Variants in VEZF1 observed in about 807,000 individuals in gnomAD.
VEZF1 encodes the protein putative transcription factor DB1.
VEZF1 carries 5 observed loss-of-function variants against 44.1 expected under a neutral mutation model. The ratio of observed to expected loss-of-function variants is 0.11; its 90% CI spans 0.06 to 0.24. VEZF1 has a LOEUF of 0.24. Among genes scored for constraint, VEZF1 ranks in the 10% least tolerant of loss-of-function variants. The pLI is 1.00. For synonymous variants in VEZF1, 236 were observed against 233.1 expected, an observed-to-expected ratio of 1.01 and a Z score of -0.11; for missense variants, 358 against 641.8, an observed-to-expected ratio of 0.56 and a Z score of 4.78.
intron 1 of VEZF1, chr17:57,985,348 G>A: frequency 8.1e-7 from 1 of 1,230,848 alleles, no homozygotes; most frequent in South Asian, 4.1e-5. Flanking sequence ...CCAGGTCCCT[G>A]CTTCTTGGGT....
Position 57,972,631 on chromosome 17 carries a change from G to A in VEZF1, c.*1842C>T, listed in dbSNP as rs2075148389. 1 of 152,570 alleles carries A rather than the reference G, an allele frequency of 6.6e-6. No individual in the cohort carries two copies. 9.5% of individuals were successfully genotyped at this position (152,570 alleles called of 1,614,324 possible). On this transcript the variant is annotated 3_prime_UTR_variant, in exon 6 of 6. Coordinates refer to ENST00000581208, the MANE Select transcript of VEZF1 (RefSeq NM_007146.3). ...ATTAAAAGGCACAAACATAGGGCAT[G>A]TTTACATGGACATTATAACAAACAT...
chr17:57,980,783 A>G lies in VEZF1; in HGVS notation c.796T>C (p.Cys266Arg). Residue 266 changes from cysteine to arginine, a missense_variant, in exon 4 of 6, where the codon TGC (cysteine) becomes CGC (arginine). Cys to Arg is a radical substitution (Grantham distance 180). Coordinates refer to ENST00000581208, the MANE Select transcript of VEZF1 (RefSeq NM_007146.3). The part of the protein sequence containing the change: ...STERPFKCQT[C>R]TAAFATKDRL... ...TCTTTGGTGGCAAAGGCAGCAGTGCACGTCTGCATGAGGGAGGAAAACTTT... is the reference window on the plus strand; with the variant it reads ...TCTTTGGTGGCAAAGGCAGCAGTGCGCGTCTGCATGAGGGAGGAAAACTTT... The G allele has an allele frequency of 6.2e-7, 1 of 1,614,222 alleles. No homozygotes were observed. The highest frequency in any genetic ancestry group is 8.5e-7 in the Non-Finnish European group (1 of 1,180,036).
chr17:57,979,976 A>AC (rs2075232556), intron 4 of VEZF1, among the ~76,000 whole-genome samples: 1 of 151,118 alleles, frequency 6.6e-6, no homozygotes, highest in Admixed American at 6.6e-5. Flanking sequence ...GTCTCAAAAA[A>AC]AAAAAAAAAA....
intron 5 of VEZF1, among the ~76,000 whole-genome samples, chr17:57,976,415 C>CA (rs202031229): frequency 1.1e-4 from 16 of 150,806 alleles, no homozygotes; most frequent in African/African-American, 2.7e-4. Context: ...AACAAACAAA[C>CA]AAACAAAAAA....
intron 5 of VEZF1, among the ~76,000 whole-genome samples, chr17:57,978,298 G>C (rs552380488): frequency 2.6e-5 from 4 of 152,106 alleles, no homozygotes; most frequent in African/African-American, 9.6e-5. Context: ...CACAGAAAAG[G>C]AATTACATAC....
chr17:57,972,312 G>C lies in VEZF1; in HGVS notation c.*2161C>G, dbSNP rs553784450. On this transcript the variant is annotated 3_prime_UTR_variant, in exon 6 of 6. Coordinates refer to ENST00000581208, the MANE Select transcript of VEZF1 (RefSeq NM_007146.3). ...AGGAAGCCTGGGCTGTCTGAATTGT[G>C]AATTATGACTGCCAGCCCACCAGAG... is the stretch of plus-strand genomic sequence containing the variant. 1 of 152,284 alleles carries C rather than the reference G, an allele frequency of 6.6e-6. No homozygotes were observed. Among genetic ancestry groups the C allele is most frequent in the African/African-American group, 2.4e-5 (1 of 41,510 alleles). 9.4% of individuals were successfully genotyped at this position (152,284 alleles called of 1,614,324 possible). A position where few individuals can be genotyped will look rare whatever the true frequency, so the allele number is the denominator to read the frequency against.
chr17:57,987,675 T>G (rs898067397), intron 1 of VEZF1, among the ~76,000 whole-genome samples: 110 of 151,940 alleles, frequency 7.2e-4, no homozygotes, highest in Non-Finnish European at 1.2e-3. Flanking sequence ...CACCCCACCG[T>G]GGGGGACCGG....
At chr17:57,982,573 A>G (rs2075259693) in intron 2 of VEZF1, 126 bp downstream of exon 2, 4 of 897,012 alleles carry the variant, frequency 4.5e-6, no homozygotes, top group South Asian at 3.6e-5. Flanking sequence ...TCTATCACCA[A>G]TCTCCTCTAA....
At chr17:57,987,433 C>G (rs1396286901) in intron 1 of VEZF1, among the ~76,000 whole-genome samples, 2 of 152,110 alleles carry the variant, frequency 1.3e-5, no homozygotes, top group Non-Finnish European at 2.9e-5. Flanking sequence ...GGAGGGGATA[C>G]ACACTCACAA....
At chr17:57,976,192 G>T (rs1418923868) in intron 5 of VEZF1, among the ~76,000 whole-genome samples, 1 of 152,148 alleles carries the variant, frequency 6.6e-6, no homozygotes. Context: ...TAGGCTAGCT[G>T]TGACTTGGCT....
intron 5 of VEZF1, among the ~76,000 whole-genome samples, chr17:57,975,767 G>A (rs1319514091): frequency 1.3e-5 from 2 of 152,158 alleles, no homozygotes; most frequent in Non-Finnish European, 2.9e-5. Context: ...CAGTGAGTTA[G>A]AGGACCCTGG....
At chr17:57,977,314 A>G (rs1332559617) in intron 5 of VEZF1, among the ~76,000 whole-genome samples, 3 of 151,834 alleles carry the variant, frequency 2.0e-5, no homozygotes, top group Non-Finnish European at 4.4e-5. Flanking sequence ...TTTTGTAGAG[A>G]TGGGGTCTTG....
chr17:57,985,713 G>A (rs1003309230), intron 1 of VEZF1, among the ~76,000 whole-genome samples: 2 of 152,178 alleles, frequency 1.3e-5, no homozygotes, highest in African/African-American at 4.8e-5. Flanking sequence ...ATGGCACCAT[G>A]AAATCTCCAG....
chr17:57,974,306 C>T lies in VEZF1; in HGVS notation c.*167G>A. ...TCCAGTGATAAGTTACATACACACC[C>T]TACTTTGAATAATCCCAGCCAAATT... On this transcript the variant is annotated 3_prime_UTR_variant, in exon 6 of 6. Transcript: ENST00000581208. 1 of 780,772 alleles carries T rather than the reference C, an allele frequency of 1.3e-6. No homozygotes were observed. The highest frequency in any genetic ancestry group is 2.0e-6 in the Non-Finnish European group (1 of 500,212). The allele number at this position is 780,772 out of a possible 1,614,324, so 48.4% of individuals were successfully genotyped here. A position where few individuals can be genotyped will look rare whatever the true frequency, so the allele number is the denominator to read the frequency against.
At chr17:57,981,763 C>A in intron 3 of VEZF1, 110 bp downstream of exon 3, 1 of 938,382 alleles carries the variant, frequency 1.1e-6, no homozygotes, top group South Asian at 1.7e-5. Flanking sequence ...CACATTTACT[C>A]AGGTCAGTGA....
chr17:57,982,773 A>C lies in VEZF1; in HGVS notation c.654T>G (p.Thr218=). ...CTCCTTCATGAGACCTCACATGGTAAGTCATCCGGTCCTTCCTCTTGAAGC... is the reference window on the plus strand; with the variant it reads ...CTCCTTCATGAGACCTCACATGGTACGTCATCCGGTCCTTCCTCTTGAAGC... ...NQRFKRKDRM[T]YHVRSHEGGI... is the part of the protein sequence containing the mutation. The change falls in exon 2 of 6, where the codon ACT becomes ACG. Residue 218 remains threonine (T), a synonymous_variant. Transcript: ENST00000581208. 56 of 1,614,230 alleles carry C rather than the reference A, an allele frequency of 3.5e-5. No homozygotes were observed. The highest frequency in any genetic ancestry group is 4.7e-5 in the Non-Finnish European group (56 of 1,180,038).
At chr17:57,975,165 T>A (rs559759701) in intron 5 of VEZF1, among the ~76,000 whole-genome samples, 11 of 152,308 alleles carry the variant, frequency 7.2e-5, no homozygotes, top group Admixed American at 5.9e-4. Flanking sequence ...GGTTTCAAGT[T>A]CAGATTTACT....
intron 5 of VEZF1, 79 bp downstream of exon 5, chr17:57,979,073 T>C: frequency 6.5e-7 from 1 of 1,526,816 alleles, no homozygotes; most frequent in Non-Finnish European, 8.8e-7. Flanking sequence ...AAACTGTGGC[T>C]TCTCTACTTT....
chr17:57,988,045 C>A (rs1223691029), intron 1 of VEZF1, 34 bp downstream of exon 1: 3 of 246,328 alleles, frequency 1.2e-5, no homozygotes, highest in Non-Finnish European at 2.3e-5. Context: ...GCCCCCCTGT[C>A]CCCCCCGTGC....
Sources: gnomAD v4.1 joint callset for allele counts (sites outside exome capture counted in the v4.1 genomes callset) on GRCh38, gnomAD v4.1.1 for gene constraint, MANE v1.5 for transcripts, NCBI Gene and HGNC (gene_info 2026-07-23, HGNC 2026-07-21) for gene names.